The following MKI67 variants were observed in gnomAD, a reference collection of about 807,000 sequenced individuals.
MKI67 encodes the protein proliferation marker protein Ki-67.
A neutral mutation model predicts 233.5 loss-of-function variants in MKI67; 152 were observed. That is an observed-to-expected ratio of 0.65 (90% CI 0.57 to 0.74). The LOEUF is 0.74. Among genes scored for constraint, MKI67 ranks in the 30% least tolerant of loss-of-function variants. The probability of loss-of-function intolerance (pLI) is 0.00; values close to 1 mark genes in which losing one functional copy is unlikely to be tolerated. For missense variants in MKI67, 3,940 were observed against 3,885.2 expected (o/e 1.01, Z -0.37); for synonymous variants, 1,465 against 1,418.5 (o/e 1.03, Z -0.74).
Position 128,107,682 on chromosome 10 carries a change from G to A in MKI67, c.4158C>T (p.Ser1386=). ...AAGGTGTCTTGGGCTGCCTTCTTGTGCTTGTTGGGGTGTCTGCTGATTCTG... is the reference window on the plus strand; with the variant it reads ...AAGGTGTCTTGGGCTGCCTTCTTGTACTTGTTGGGGTGTCTGCTGATTCTG... ...SPPESADTPT[S]TRRQPKTPLE... The change falls in exon 13 of 15, where the codon AGC becomes AGT. Residue 1386 remains serine, a synonymous_variant. Transcript: ENST00000368654. The A allele has an allele frequency of 6.2e-7, 1 of 1,614,000 alleles. No homozygotes were observed. The highest frequency in any genetic ancestry group is 1.1e-5 in the South Asian group (1 of 91,082).
rs750567960 is a variant in MKI67, at chr10:128,105,496, G to A, written c.6344C>T (p.Thr2115Ile). The A allele has an allele frequency of 6.2e-7, 1 of 1,614,046 alleles. No individual in the cohort carries two copies. The highest frequency in any genetic ancestry group is 1.1e-5 in the South Asian group (1 of 91,082). Residue 2115 changes from threonine (T) to isoleucine (I), a missense_variant, in exon 13 of 15, where the codon ACA (threonine) becomes ATA (isoleucine). Physicochemically the swap from Thr to Ile is moderately conservative, Grantham distance 89. Coordinates refer to ENST00000368654, the MANE Select transcript of MKI67 (RefSeq NM_002417.5). ...SPPPESMDTP[T>I]STRRRPKTPL... is the part of the protein sequence containing the mutation. ...TGTTTTGGGCCGCCTCCTTGTGCTT[G>A]TTGGAGTGTCCATTGATTCTGGTGG...
Position 128,105,208 on chromosome 10 carries a change from G to C in MKI67, c.6632C>G (p.Thr2211Arg), listed in dbSNP as rs193266380. ...TATTTTGGTAGTTTTCTCATGAGTCGTGGGCTTGTCAGTGCATATTGGTGT... is the reference window on the plus strand; with the variant it reads ...TATTTTGGTAGTTTTCTCATGAGTCCTGGGCTTGTCAGTGCATATTGGTGT... ...FQTPICTDKPTTHEKTTKIAC... is the reference protein window; with the variant it reads ...FQTPICTDKPRTHEKTTKIAC... Residue 2211 changes from threonine (T) to arginine (R), a missense_variant, in exon 13 of 15, where the codon ACG (threonine) becomes AGG (arginine). Physicochemically the swap from Thr to Arg is moderately conservative, Grantham distance 71. Transcript: ENST00000368654. The C allele has an allele frequency of 1.2e-6, 2 of 1,613,976 alleles. No homozygotes were observed. Among genetic ancestry groups the C allele is most frequent in the East Asian group, 2.2e-5 (1 of 44,848 alleles).
chr10:128,123,689 C>T (rs1330287268), intron 2 of MKI67, among the ~76,000 whole-genome samples: 1 of 152,154 alleles, frequency 6.6e-6, no homozygotes, highest in African/African-American at 2.4e-5. Context: ...CACTAATTTG[C>T]CTAGCACATA....
In MKI67 at chr10:128,102,928, A is replaced by G. The variant is rs755944504; in HGVS notation, c.8912T>C (p.Val2971Ala). 24 of 1,614,082 alleles carry G rather than the reference A, an allele frequency of 1.5e-5. 1 individual carries two copies. In the South Asian group the frequency reaches 2.5e-4, roughly 17 times the overall value. Residue 2971 changes from valine (V) to alanine (A), a missense_variant, in exon 13 of 15, where the codon GTG (valine) becomes GCG (alanine). Coordinates refer to ENST00000368654, the MANE Select transcript of MKI67 (RefSeq NM_002417.5). Reference protein sequence around the residue: ...RVLRAPKVEPVGDVVSTRDPV... With the variant: ...RVLRAPKVEPAGDVVSTRDPV... ...GTCTCTGGTGCTTACCACGTCTCCC[A>G]CGGGTTCTACTTTAGGGGCCCGAAG...
chr10:128,103,698 T>C lies in MKI67; in HGVS notation c.8142A>G (p.Val2714=). The change falls in exon 13 of 15, where the codon GTA becomes GTG. Residue 2714 remains valine (V), a synonymous_variant. Coordinates refer to ENST00000368654, the MANE Select transcript of MKI67 (RefSeq NM_002417.5). ...IPCESPPLEV[V]DTTASTKRHL... is the part of the protein sequence containing the mutation. ...GCCTCTTTGTGCTTGCTGTGGTGTC[T>C]ACCACTTCTAGTGGGGGAGATTCGC... 6.2e-7 allele frequency: 1 copy of C among 1,614,136 alleles called. No individual in the cohort carries two copies. The highest frequency in any genetic ancestry group is 1.7e-4 in the Middle Eastern group (1 of 6,060).
At position 128,110,571 on chromosome 10, in the gene MKI67, T is replaced by G. The variant is rs1422458344; in HGVS notation, c.2261-38A>C. On this transcript the variant is annotated intron_variant, in intron 11 of 14. Coordinates refer to ENST00000368654, the MANE Select transcript of MKI67 (RefSeq NM_002417.5). ...AATATTTGAAAAGTGATTGACATAT[T>G]GCTAACATGCAGACAACCATCCCAG... The G allele has an allele frequency of 2.0e-6, 3 of 1,482,124 alleles. No homozygotes were observed. In the Admixed American group the frequency reaches 5.4e-5, roughly 27 times the overall value. The allele number at this position is 1,482,124 out of a possible 1,614,324, so 91.8% of individuals were successfully genotyped here. A position where few individuals can be genotyped will look rare whatever the true frequency, so the allele number is the denominator to read the frequency against.
In MKI67 at chr10:128,113,498, T is replaced by G. The variant is rs769288213; in HGVS notation, c.1585A>C (p.Arg529=). 2.5e-6 allele frequency: 4 copies of G among 1,614,032 alleles called. No individual in the cohort carries two copies. In the African/African-American group the frequency reaches 5.3e-5, roughly 22 times the overall value. ...TTTCTTTTGGTTGGGGCTTCTCCCC[T>G]TTTGAGAGGCGTATTAGGAGGCAAG... ...ENLPPNTPLK[R]GEAPTKRKSL... Residue 529 remains arginine, a synonymous_variant, in exon 8 of 15, where the codon AGG becomes CGG. Coordinates refer to ENST00000368654, the MANE Select transcript of MKI67 (RefSeq NM_002417.5).
At position 128,104,564 on chromosome 10, in the gene MKI67, T is replaced by C; in HGVS notation, c.7276A>G (p.Thr2426Ala). ...AGAGCCTCAGCCTTTTCCTTAGGAG[T>C]CTGTGGCTGTCTCTTGCTGCCAGGT... The part of the protein sequence containing the change: ...NLPGSKRQPQ[T>A]PKEKAEALED... The change falls in exon 13 of 15, where the codon ACT becomes GCT. Residue 2426 changes from threonine to alanine, a missense_variant. By Grantham distance (58) the Thr-to-Ala change is moderately conservative. Transcript: ENST00000368654. The C allele has an allele frequency of 6.2e-7, 1 of 1,613,766 alleles. No homozygotes were observed.
Position 128,107,899 on chromosome 10 carries a change from C to A in MKI67, c.3941G>T (p.Gly1314Val). The A allele has an allele frequency of 1.2e-6, 2 of 1,613,320 alleles. No individual in the cohort carries two copies. Among genetic ancestry groups the A allele is most frequent in the Non-Finnish European group, 1.7e-6 (2 of 1,179,904 alleles). Residue 1314 changes from glycine to valine, a missense_variant, in exon 13 of 15, where the codon GGA becomes GTA. By Grantham distance (109) the Gly-to-Val change is moderately radical. Coordinates refer to ENST00000368654, the MANE Select transcript of MKI67 (RefSeq NM_002417.5). The part of the protein sequence containing the change: ...GEEKDIIIFV[G>V]TPVQKLDLTE... ...CAGGTCCAGTTTCTGCACTGGAGTTCCCACAAATATGATGATGTCTTTCTC... is the reference window on the plus strand; with the variant it reads ...CAGGTCCAGTTTCTGCACTGGAGTTACCACAAATATGATGATGTCTTTCTC...
In MKI67 at chr10:128,099,190, T is replaced by C. The variant is rs1852279104; in HGVS notation, c.9771A>G (p.Ter3257TrpextTer15). Reference sequence around the variant, plus strand: ...TATTTTTCCCAGTTCGATTTTTCTGTCAAATATCTTCACTGTCCCTATGAC... The same window carrying C: ...TATTTTTCCCAGTTCGATTTTTCTGCCAAATATCTTCACTGTCCCTATGAC... ...TRSHRDSEDI* is the reference protein window; with the variant it reads ...TRSHRDSEDIW Residue 3257 changes from the stop codon to tryptophan (W), a stop_lost, in exon 15 of 15, where the codon TGA (stop) becomes TGG (tryptophan). Coordinates refer to ENST00000368654, the MANE Select transcript of MKI67 (RefSeq NM_002417.5). 1 of 1,609,912 alleles carries C rather than the reference T, an allele frequency of 6.2e-7. No homozygotes were observed. Among genetic ancestry groups the C allele is most frequent in the African/African-American group, 1.3e-5 (1 of 74,812 alleles).
chr10:128,121,594 T>G (rs889540829), intron 4 of MKI67, among the ~76,000 whole-genome samples: 1 of 46,608 alleles, frequency 2.1e-5, no homozygotes, highest in Non-Finnish European at 4.5e-5. Flanking sequence ...ATATAAGTGA[T>G]ATATATAATA....
At chr10:128,100,943 T>C (rs558495160) in intron 14 of MKI67, among the ~76,000 whole-genome samples, 1 of 152,356 alleles carries the variant, frequency 6.6e-6, no homozygotes, top group East Asian at 1.9e-4. Context: ...GCTGAAGACA[T>C]CTACCTACAA....
At chr10:128,121,957 G>A (rs1050747609) in intron 4 of MKI67, among the ~76,000 whole-genome samples, 3 of 152,086 alleles carry the variant, frequency 2.0e-5, no homozygotes, top group Non-Finnish European at 4.4e-5. Flanking sequence ...AAACTATCGT[G>A]TTCAGAGATC....
rs1565010357 is a variant in MKI67, at chr10:128,112,436, G to A, written c.1666C>T (p.Gln556Ter). 1 of 1,613,870 alleles carries A rather than the reference G, an allele frequency of 6.2e-7. No individual in the cohort carries two copies. The highest frequency in any genetic ancestry group is 1.1e-5 in the South Asian group (1 of 91,084). The stretch of plus-strand genomic sequence containing the variant: ...CCTGACTCTTGTTTTCCTGATGGTT[G>A]AGGCTGTTCCTGACAAGACAAAATT... Reference protein sequence around the residue: ...VLKKIIKEQPQPSGKQESGSE... With the variant: ...VLKKIIKEQP Residue 556 changes from glutamine (Q) to a stop codon, truncating the protein, a stop_gained, in exon 9 of 15, where the codon CAA becomes TAA. Transcript: ENST00000368654. LOFTEE classifies it high-confidence loss of function.
chr10:128,105,378 A>T lies in MKI67; in HGVS notation c.6462T>A (p.Asp2154Glu), dbSNP rs754965063. 1 of 1,613,786 alleles carries T rather than the reference A, an allele frequency of 6.2e-7. No homozygotes were observed. The highest frequency in any genetic ancestry group is 1.7e-5 in the Admixed American group (1 of 60,008). Residue 2154 changes from aspartate to glutamate, a missense_variant, in exon 13 of 15, where the codon GAT (aspartate) becomes GAA (glutamate). Physicochemically the swap from Asp to Glu is conservative, Grantham distance 45. Coordinates refer to ENST00000368654, the MANE Select transcript of MKI67 (RefSeq NM_002417.5). ...THTDKVPGDE[D>E]KGINVFRETA... ...TTTCCCTGAACACGTTGATGCCTTT[A>T]TCCTCATCTCCTGGTACTTTGTCTG...
chr10:128,119,093 C>T (rs988612034), intron 5 of MKI67, among the ~76,000 whole-genome samples, 160 bp downstream of exon 5: 7 of 152,194 alleles, frequency 4.6e-5, no homozygotes, highest in African/African-American at 7.2e-5. Context: ...TATTTTAATA[C>T]GTCTAAGTTC....
In MKI67 at chr10:128,115,746, A is replaced by G; in HGVS notation, c.662T>C (p.Val221Ala). Residue 221 changes from valine (V) to alanine (A), a missense_variant, in exon 7 of 15, where the codon GTT becomes GCT. Val to Ala is a moderately conservative substitution (Grantham distance 64). Coordinates refer to ENST00000368654, the MANE Select transcript of MKI67 (RefSeq NM_002417.5). ...ATTGTCAAGACATTGTGTAGTGGGAACAGACTTCAATTCTCCATAACGGCT... is the reference window on the plus strand; with the variant it reads ...ATTGTCAAGACATTGTGTAGTGGGAGCAGACTTCAATTCTCCATAACGGCT... The part of the protein sequence containing the change: ...LVSRYGELKS[V>A]PTTQCLDNSK... 1 of 1,613,614 alleles carries G rather than the reference A, an allele frequency of 6.2e-7. No individual in the cohort carries two copies. Among genetic ancestry groups the G allele is most frequent in the African/African-American group, 1.3e-5 (1 of 75,048 alleles).
At chr10:128,121,434 A>G (rs918574316) in intron 4 of MKI67, among the ~76,000 whole-genome samples, 5 of 140,414 alleles carry the variant, frequency 3.6e-5, no homozygotes, top group East Asian at 2.0e-4. Context: ...ACCATATAGT[A>G]TATACTGTAT....
At chr10:128,120,281 A>G (rs989664252) in intron 4 of MKI67, among the ~76,000 whole-genome samples, 2 of 152,186 alleles carry the variant, frequency 1.3e-5, no homozygotes. Context: ...ACTTGAGACC[A>G]AGAGTTCAAG....
Sources: gnomAD v4.1 joint callset for allele counts (sites outside exome capture counted in the v4.1 genomes callset) on GRCh38, gnomAD v4.1.1 for gene constraint, MANE v1.5 for transcripts, NCBI Gene and HGNC (gene_info 2026-07-23, HGNC 2026-07-21) for gene names.